The following RAP1A variants were observed in gnomAD, a reference collection of about 807,000 sequenced individuals.
RAP1A encodes the protein RAP1A, member of RAS oncogene family.
Under a neutral mutation model 26.4 loss-of-function variants are expected in RAP1A, and 6 were observed. The ratio of observed to expected loss-of-function variants is 0.23; its 90% CI spans 0.12 to 0.45. The LOEUF (loss-of-function observed/expected upper bound fraction) is 0.45, where lower values mean the gene tolerates loss of function less well. Among genes scored for constraint, RAP1A ranks in the 20% least tolerant of loss-of-function variants. The probability of loss-of-function intolerance (pLI) is 0.99; values close to 1 mark genes in which losing one functional copy is unlikely to be tolerated. For missense variants in RAP1A, 121 were observed against 217.2 expected, an observed-to-expected ratio of 0.56 and a Z score of 2.78; for synonymous variants, 73 against 79.4, an observed-to-expected ratio of 0.92 and a Z score of 0.43.
chr1:111,647,338 T>C (rs2101128628), intron 1 of RAP1A, among the ~76,000 whole-genome samples: 1 of 152,356 alleles, frequency 6.6e-6, no homozygotes, highest in South Asian at 2.1e-4. Flanking sequence ...CCACTGATTC[T>C]ACAGTATGGT....
chr1:111,612,004 C>T (rs941616703), intron 1 of RAP1A, among the ~76,000 whole-genome samples: 5 of 139,238 alleles, frequency 3.6e-5, no homozygotes, highest in Admixed American at 1.6e-4. Flanking sequence ...GCAGTTTACA[C>T]GTGCTTGAGT....
At chr1:111,585,575 A>G (rs976425136) in intron 1 of RAP1A, among the ~76,000 whole-genome samples, 9 of 152,054 alleles carry the variant, frequency 5.9e-5, no homozygotes, top group African/African-American at 1.4e-4. Flanking sequence ...TCCTTTTGCC[A>G]TGAGGCAAGA....
chr1:111,564,008 C>T (rs1657853688), intron 1 of RAP1A: 1 of 1,298,406 alleles, frequency 7.7e-7, no homozygotes. Flanking sequence ...AGCCACATTC[C>T]ACCCATCCAA....
At chr1:111,632,477 A>G (rs1659595618) in intron 1 of RAP1A, among the ~76,000 whole-genome samples, 6 of 152,218 alleles carry the variant, frequency 3.9e-5, no homozygotes. Context: ...AGAATTTACC[A>G]TAGGGGAATA....
intron 1 of RAP1A, among the ~76,000 whole-genome samples, chr1:111,566,690 G>A (rs1457220728): frequency 1.3e-5 from 2 of 152,038 alleles, no homozygotes; most frequent in Non-Finnish European, 2.9e-5. Flanking sequence ...ATGGTTAAGT[G>A]ACAAGATTAT....
chr1:111,624,299 A>G (rs1484920393), intron 1 of RAP1A, among the ~76,000 whole-genome samples: 2 of 152,206 alleles, frequency 1.3e-5, no homozygotes, highest in African/African-American at 2.4e-5. Context: ...AGACAGATGA[A>G]GTGTCCATTT....
At chr1:111,544,672 C>A (rs1342720022) in intron 1 of RAP1A, among the ~76,000 whole-genome samples, 1 of 152,124 alleles carries the variant, frequency 6.6e-6, no homozygotes, top group Non-Finnish European at 1.5e-5. Context: ...CATTGGTGTA[C>A]AAGTTTTTGC....
Position 111,693,208 on chromosome 1 carries a change from A to G in RAP1A, c.57+1791A>G, listed in dbSNP as rs189861480. ...TAGAGGCAGTTGGACATGATAAAGG[A>G]AGCAGCTTTAGTCAGGTCATGTTGC... On this transcript the variant is annotated intron_variant, in intron 2 of 7. Coordinates refer to ENST00000369709, the MANE Select transcript of RAP1A (RefSeq NM_002884.4). 1.4e-4 allele frequency among the ~76,000 whole-genome samples: 22 copies of G among 152,296 alleles called. No individual in the cohort carries two copies. In the East Asian group the frequency reaches 3.7e-3, roughly 25 times the overall value.
intron 1 of RAP1A, among the ~76,000 whole-genome samples, chr1:111,552,757 T>A (rs549817016): frequency 3.3e-5 from 5 of 152,332 alleles, no homozygotes; most frequent in Admixed American, 2.6e-4. Context: ...ATGCATGACC[T>A]GGAGCAAGCC....
chr1:111,594,038 T>A (rs1350185124), intron 1 of RAP1A, among the ~76,000 whole-genome samples: 1 of 152,092 alleles, frequency 6.6e-6, no homozygotes, highest in African/African-American at 2.4e-5. Context: ...ATAAGTTGAT[T>A]TGGATTTTTA....
chr1:111,657,058 C>T (rs78350053), intron 1 of RAP1A, among the ~76,000 whole-genome samples: 362 of 151,670 alleles, frequency 2.4e-3, no homozygotes, highest in Admixed American at 4.6e-3. Flanking sequence ...GAATTTTTTA[C>T]TACAATAGGT....
chr1:111,584,970 C>A (rs1658334254), intron 1 of RAP1A, among the ~76,000 whole-genome samples: 1 of 152,186 alleles, frequency 6.6e-6, no homozygotes, highest in South Asian at 2.1e-4. Context: ...CATTTTCACA[C>A]CCTTTACTGT....
chr1:111,596,835 C>T (rs1427174827), intron 1 of RAP1A, among the ~76,000 whole-genome samples: 1 of 152,180 alleles, frequency 6.6e-6, no homozygotes, highest in African/African-American at 2.4e-5. Flanking sequence ...CCCTTATAAC[C>T]TAATCACCTT....
chr1:111,709,150 T>C lies in RAP1A; in HGVS notation c.470T>C (p.Ile157Thr). The C allele has an allele frequency of 6.3e-7, 1 of 1,598,574 alleles. No individual in the cohort carries two copies. The highest frequency in any genetic ancestry group is 8.5e-7 in the Non-Finnish European group (1 of 1,176,206). ...SAKSKINVNEIFYDLVRQINR... is the reference protein window; with the variant it reads ...SAKSKINVNETFYDLVRQINR... Reference sequence around the variant, plus strand: ...ACTTTTTTTCTTGTTTTTACTTAGATATTTTATGACCTGGTCAGACAGATA... The same window carrying C: ...ACTTTTTTTCTTGTTTTTACTTAGACATTTTATGACCTGGTCAGACAGATA... Residue 157 changes from isoleucine to threonine, a missense_variant and splice_region_variant, in exon 7 of 8, where the codon ATA becomes ACA. Coordinates refer to ENST00000369709, the MANE Select transcript of RAP1A (RefSeq NM_002884.4).
chr1:111,601,594 A>T (rs190565163), intron 1 of RAP1A, among the ~76,000 whole-genome samples: 94 of 152,300 alleles, frequency 6.2e-4, no homozygotes, highest in Non-Finnish European at 8.7e-4. Flanking sequence ...AGAAACAAAC[A>T]CTCAGGAAAA....
chr1:111,681,494 A>G (rs1661293147), intron 1 of RAP1A, among the ~76,000 whole-genome samples: 1 of 152,230 alleles, frequency 6.6e-6, no homozygotes, highest in Non-Finnish European at 1.5e-5. Context: ...ACCAGTTTAG[A>G]GAAGAACATA....
At chr1:111,701,614 T>C (rs748115883) in intron 4 of RAP1A, among the ~76,000 whole-genome samples, 1 of 152,222 alleles carries the variant, frequency 6.6e-6, no homozygotes, top group Non-Finnish European at 1.5e-5. Context: ...ACTTGTAGAA[T>C]GTCCTTAAGA....
At chr1:111,543,670 A>G (rs187597183) in intron 1 of RAP1A, among the ~76,000 whole-genome samples, 1,855 of 151,014 alleles carry the variant, frequency 0.012, 18 homozygotes, top group Non-Finnish European at 0.017. Flanking sequence ...GAAGAAGAGG[A>G]GGAAAAAGGA....
chr1:111,683,014 T>A (rs977425881), intron 1 of RAP1A, among the ~76,000 whole-genome samples: 1 of 152,160 alleles, frequency 6.6e-6, no homozygotes, highest in African/African-American at 2.4e-5. Flanking sequence ...ATTAAGAAAC[T>A]CACTCAAAAC....
Sources: gnomAD v4.1 joint callset for allele counts (sites outside exome capture counted in the v4.1 genomes callset) on GRCh38, gnomAD v4.1.1 for gene constraint, MANE v1.5 for transcripts, NCBI Gene and HGNC (gene_info 2026-07-23, HGNC 2026-07-21) for gene names.